Variants in APBB2 observed in about 807,000 individuals in gnomAD.
APBB2 encodes the protein Fe65-like 1.
In APBB2, 38 loss-of-function variants were observed where a neutral mutation model predicts 82.5. The ratio of observed to expected loss-of-function variants is 0.46; its 90% CI spans 0.36 to 0.60. The LOEUF (loss-of-function observed/expected upper bound fraction) is 0.60, where lower values mean the gene tolerates loss of function less well. Ranked by LOEUF, APBB2 falls within the 20% of genes least tolerant of loss-of-function variation. APBB2 has a pLI of 0.00. For missense variants in APBB2, 772 were observed against 972.3 expected, an observed-to-expected ratio of 0.79 and a Z score of 2.74; for synonymous variants, 341 against 368.2, an observed-to-expected ratio of 0.93 and a Z score of 0.85.
At chr4:41,181,660 G>C (rs988465766) in intron 1 of APBB2, among the ~76,000 whole-genome samples, 1 of 152,108 alleles carries the variant, frequency 6.6e-6, no homozygotes, top group Non-Finnish European at 1.5e-5. Context: ...AAAGGGACTA[G>C]CATGGCCGGG....
chr4:41,069,379 C>T (rs1377310438), intron 3 of APBB2, among the ~76,000 whole-genome samples: 1 of 152,078 alleles, frequency 6.6e-6, no homozygotes, highest in African/African-American at 2.4e-5. Flanking sequence ...CCCAGTAATG[C>T]CAAAGGAGCA....
At chr4:41,193,675 C>A in intron 1 of APBB2, 8 of 449,046 alleles carry the variant, frequency 1.8e-5, no homozygotes, top group African/African-American at 1.7e-4. Flanking sequence ...TACAGAACCA[C>A]CACTGCTGCT....
At chr4:40,943,825 C>A (rs1787659064) in intron 7 of APBB2, among the ~76,000 whole-genome samples, 1 of 152,202 alleles carries the variant, frequency 6.6e-6, no homozygotes, top group Admixed American at 6.5e-5. Context: ...TATGGCTGCC[C>A]CAGCCCATCA....
Position 40,955,061 on chromosome 4 carries a change from G to C in APBB2, c.836-9988C>G, listed in dbSNP as rs564403343. Among the ~76,000 whole-genome samples, 7 of 152,282 alleles carry C rather than the reference G, an allele frequency of 4.6e-5. No homozygotes were observed. In the South Asian group the frequency reaches 1.5e-3, roughly 32 times the overall value. ...ATCCACTTACTCATTCTTCTGTACC[G>C]ATGACCTCCTATAAACGCCAAATAT... On this transcript the variant is annotated intron_variant, in intron 6 of 17. Coordinates refer to ENST00000508593, the MANE Select transcript of APBB2 (RefSeq NM_004307.2).
chr4:41,009,780 G>A lies in APBB2; in HGVS notation c.835+3803C>T, dbSNP rs542804944. On this transcript the variant is annotated intron_variant, in intron 6 of 17. Transcript: ENST00000508593. Reference sequence around the variant, plus strand: ...AAGATGTCACAAGATATTTGCTCTCGTTTTCTCTTTTCTTTCAACTGTTGG... The same window carrying A: ...AAGATGTCACAAGATATTTGCTCTCATTTTCTCTTTTCTTTCAACTGTTGG... Among the ~76,000 whole-genome samples the A allele has an allele frequency of 4.0e-5, 6 of 151,686 alleles. No individual in the cohort carries two copies. In the South Asian group the frequency reaches 6.2e-4, roughly 16 times the overall value.
chr4:41,160,394 T>C (rs1764852031), intron 1 of APBB2, among the ~76,000 whole-genome samples: 1 of 152,168 alleles, frequency 6.6e-6, no homozygotes, highest in Admixed American at 6.5e-5. Context: ...AAATATTAGA[T>C]AAACCAGACG....
intron 6 of APBB2, among the ~76,000 whole-genome samples, chr4:40,973,109 A>G (rs904216015): frequency 2.0e-5 from 3 of 152,122 alleles, no homozygotes; most frequent in Non-Finnish European, 4.4e-5. Flanking sequence ...ATATTCTCCA[A>G]TTTCCCTTCC....
At chr4:40,858,071 A>T (rs1288576611) in intron 12 of APBB2, among the ~76,000 whole-genome samples, 1 of 152,110 alleles carries the variant, frequency 6.6e-6, no homozygotes, top group Admixed American at 6.5e-5. Context: ...ACTTGAAGCC[A>T]AGATCCCACA....
chr4:40,852,042 A>AAG (rs1190311003), intron 12 of APBB2, among the ~76,000 whole-genome samples: 1 of 152,118 alleles, frequency 6.6e-6, no homozygotes, highest in Non-Finnish European at 1.5e-5. Flanking sequence ...ACTACAGAGG[A>AAG]TGCTGCATGT....
At chr4:41,000,831 C>T (rs762439568) in intron 6 of APBB2, among the ~76,000 whole-genome samples, 8 of 151,998 alleles carry the variant, frequency 5.3e-5, no homozygotes, top group Non-Finnish European at 1.0e-4. Flanking sequence ...CATTCTCTAA[C>T]TTGGGGCCCT....
At chr4:40,914,832 G>A (rs137874210) in intron 10 of APBB2, among the ~76,000 whole-genome samples, 1 of 152,152 alleles carries the variant, frequency 6.6e-6, no homozygotes, top group Non-Finnish European at 1.5e-5. Flanking sequence ...ATAGCAGGGT[G>A]GGGGGTGGTG....
At chr4:41,107,011 A>C (rs1003374550) in intron 2 of APBB2, among the ~76,000 whole-genome samples, 1 of 145,684 alleles carries the variant, frequency 6.9e-6, no homozygotes, top group East Asian at 2.0e-4. Context: ...CAGTTTGAAC[A>C]AAAAAAAAAA....
rs543030736 is a variant in APBB2 at position 40,921,841 on chromosome 4, C to A, written c.1254+12615G>T. 3.0e-4 allele frequency among the ~76,000 whole-genome samples: 45 copies of A among 152,334 alleles called. 1 individual carries two copies. The South Asian group carries it at 9.1e-3, about 31-fold the overall frequency. On this transcript the variant is annotated intron_variant, in intron 10 of 17. Transcript: ENST00000508593. The stretch of plus-strand genomic sequence containing the variant: ...GTCCATTTTCCAGCTTTGCTAGAGA[C>A]AAGGGTCGCTTGCAGTTCAACCTGA...
At chr4:41,078,988 CA>C (rs1164845137) in intron 3 of APBB2, among the ~76,000 whole-genome samples, 1 of 152,156 alleles carries the variant, frequency 6.6e-6, no homozygotes, top group African/African-American at 2.4e-5. Context: ...AATCTAGAAC[CA>C]GAGACATAAA....
intron 3 of APBB2, among the ~76,000 whole-genome samples, chr4:41,071,803 A>T (rs966459609): frequency 6.6e-6 from 1 of 152,242 alleles, no homozygotes; most frequent in Non-Finnish European, 1.5e-5. Context: ...AATTTCAACC[A>T]TAGTGGATTA....
chr4:40,874,962 A>C (rs973283226), intron 12 of APBB2, among the ~76,000 whole-genome samples: 1 of 152,228 alleles, frequency 6.6e-6, no homozygotes, highest in Admixed American at 6.5e-5. Context: ...GTAAAGAAAA[A>C]AAATCAAAAA....
At chr4:40,878,470 C>T (rs189651506) in intron 12 of APBB2, among the ~76,000 whole-genome samples, 34 of 152,296 alleles carry the variant, frequency 2.2e-4, no homozygotes, top group African/African-American at 7.0e-4. Context: ...CTCCCCATCA[C>T]GTTACCTGCC....
chr4:41,024,105 G>C (rs1375673461), intron 5 of APBB2, among the ~76,000 whole-genome samples: 1 of 152,166 alleles, frequency 6.6e-6, no homozygotes, highest in Non-Finnish European at 1.5e-5. Context: ...TTCAATAAAT[G>C]GTGCTGAAAT....
intron 10 of APBB2, among the ~76,000 whole-genome samples, chr4:40,913,825 A>T (rs904384243): frequency 2.0e-5 from 3 of 152,048 alleles, no homozygotes; most frequent in Non-Finnish European, 4.4e-5. Flanking sequence ...AAGTGCTTTT[A>T]AGTGCGAGAA....
Sources: gnomAD v4.1 joint callset for allele counts (sites outside exome capture counted in the v4.1 genomes callset) on GRCh38, gnomAD v4.1.1 for gene constraint, MANE v1.5 for transcripts, NCBI Gene and HGNC (gene_info 2026-07-23, HGNC 2026-07-21) for gene names.